PDLIM5: variants seen among roughly 807,000 people sequenced by gnomAD.
PDLIM5 encodes the protein PDZ and LIM domain protein 5.
In PDLIM5, 34 loss-of-function variants were observed where a neutral mutation model predicts 64.2. The observed-to-expected ratio is 0.53, with a 90% CI of 0.40 to 0.71. The LOEUF (loss-of-function observed/expected upper bound fraction) is 0.71, where lower values mean the gene tolerates loss of function less well. Among genes scored for constraint, PDLIM5 ranks in the 30% least tolerant of loss-of-function variants. PDLIM5 has a pLI of 0.00. For synonymous variants in PDLIM5, 253 were observed against 269.1 expected, an observed-to-expected ratio of 0.94 and a Z score of 0.59; for missense variants, 683 against 733.6, an observed-to-expected ratio of 0.93 and a Z score of 0.80.
chr4:94,633,290 A>G (rs1305516262), intron 8 of PDLIM5, among the ~76,000 whole-genome samples: 2 of 152,174 alleles, frequency 1.3e-5, no homozygotes, highest in African/African-American at 4.8e-5. Context: ...TCAAATAATG[A>G]ATTGGTTCCT....
At chr4:94,636,254 T>C (rs1470879984) in intron 8 of PDLIM5, among the ~76,000 whole-genome samples, 2 of 152,166 alleles carry the variant, frequency 1.3e-5, no homozygotes, top group Non-Finnish European at 2.9e-5. Flanking sequence ...AGCTTATGCA[T>C]AGATAATGTG....
chr4:94,463,617 A>C (rs548331326), intron 2 of PDLIM5, among the ~76,000 whole-genome samples: 1 of 152,190 alleles, frequency 6.6e-6, no homozygotes, highest in African/African-American at 2.4e-5. Context: ...GTGGAGGTGG[A>C]AGGGAAGCAG....
At chr4:94,615,509 A>C (rs537087903) in intron 7 of PDLIM5, among the ~76,000 whole-genome samples, 1 of 152,282 alleles carries the variant, frequency 6.6e-6, no homozygotes, top group African/African-American at 2.4e-5. Flanking sequence ...CCTCGTATAT[A>C]GAATCTGGAA....
rs143727257 is a variant in PDLIM5, at chr4:94,658,068, G to A, written c.1585+521G>A. 1.9e-4 allele frequency among the ~76,000 whole-genome samples: 29 copies of A among 152,286 alleles called. No homozygotes were observed. The East Asian group carries it at 5.4e-3, about 28-fold the overall frequency. On this transcript the variant is annotated intron_variant, in intron 11 of 12. Coordinates refer to ENST00000317968, the MANE Select transcript of PDLIM5 (RefSeq NM_006457.5). ...TTTATTATTAGAATTGAGAATGTAA[G>A]CATTACTTAGTAGGAAAAATATTTT...
At chr4:94,506,455 A>G (rs1030962174) in intron 2 of PDLIM5, among the ~76,000 whole-genome samples, 3 of 152,182 alleles carry the variant, frequency 2.0e-5, no homozygotes, top group African/African-American at 4.8e-5. Flanking sequence ...ATGAAGGCTC[A>G]CTTTGCTTCA....
rs544468180 is a variant in PDLIM5 at position 94,493,256 on chromosome 4, G to A, written c.97-30468G>A. On this transcript the variant is annotated intron_variant, in intron 2 of 12. Coordinates refer to ENST00000317968, the MANE Select transcript of PDLIM5 (RefSeq NM_006457.5). ...TTTTAAAACTATATTCTAGATACAAGTCCCTTTTCATGTACATGATTTTCT... is the reference window on the plus strand; with the variant it reads ...TTTTAAAACTATATTCTAGATACAAATCCCTTTTCATGTACATGATTTTCT... Among the ~76,000 whole-genome samples, 7 of 151,750 alleles carry A rather than the reference G, an allele frequency of 4.6e-5. No homozygotes were observed. In the East Asian group the frequency reaches 5.8e-4, roughly 13 times the overall value.
chr4:94,610,217 C>G (rs879404177), intron 7 of PDLIM5: 2 of 1,520,874 alleles, frequency 1.3e-6, no homozygotes, highest in Non-Finnish European at 1.8e-6. Flanking sequence ...CGAAACTTTT[C>G]TACCTTCTCT....
chr4:94,527,711 G>A (rs1730499445), intron 3 of PDLIM5, among the ~76,000 whole-genome samples: 1 of 152,204 alleles, frequency 6.6e-6, no homozygotes, highest in Admixed American at 6.5e-5. Context: ...GGAAACTTGG[G>A]AACAAAATTG....
chr4:94,588,477 C>A (rs1001204247), intron 7 of PDLIM5, among the ~76,000 whole-genome samples: 1 of 152,016 alleles, frequency 6.6e-6, no homozygotes, highest in African/African-American at 2.4e-5. Flanking sequence ...GCAGGAGAAT[C>A]GCTTGAACCC....
intron 2 of PDLIM5, among the ~76,000 whole-genome samples, chr4:94,512,983 A>G (rs991824096): frequency 7.2e-5 from 11 of 152,182 alleles, no homozygotes; most frequent in African/African-American, 2.4e-4. Flanking sequence ...CCATTTATTA[A>G]AGAGACTGTC....
At chr4:94,650,815 C>CA (rs886988600) in intron 9 of PDLIM5, among the ~76,000 whole-genome samples, 4 of 151,660 alleles carry the variant, frequency 2.6e-5, no homozygotes, top group African/African-American at 9.7e-5. Context: ...TTCTTCCCCC[C>CA]ACATGCCCCG....
chr4:94,489,521 G>A (rs1447858503), intron 2 of PDLIM5, among the ~76,000 whole-genome samples: 1 of 151,938 alleles, frequency 6.6e-6, no homozygotes, highest in Non-Finnish European at 1.5e-5. Context: ...TCAGAATATT[G>A]AGTAGTATCT....
At chr4:94,481,018 A>G (rs935813090) in intron 2 of PDLIM5, among the ~76,000 whole-genome samples, 2 of 151,994 alleles carry the variant, frequency 1.3e-5, no homozygotes, top group Non-Finnish European at 2.9e-5. Flanking sequence ...ATTATATAGT[A>G]TTTGCTGTGC....
intron 3 of PDLIM5, among the ~76,000 whole-genome samples, chr4:94,561,905 T>C (rs1370818625): frequency 6.6e-6 from 1 of 152,224 alleles, no homozygotes; most frequent in African/African-American, 2.4e-5. Flanking sequence ...AGCATAATCA[T>C]GGTCAGCATT....
intron 3 of PDLIM5, among the ~76,000 whole-genome samples, chr4:94,524,315 G>A (rs1351668718): frequency 2.8e-5 from 4 of 141,784 alleles, no homozygotes; most frequent in Non-Finnish European, 6.0e-5. Flanking sequence ...GTTGCATTAA[G>A]CTCTGATCGT....
At chr4:94,460,406 C>G (rs1723770996) in intron 2 of PDLIM5, among the ~76,000 whole-genome samples, 1 of 152,028 alleles carries the variant, frequency 6.6e-6, no homozygotes, top group African/African-American at 2.4e-5. Context: ...AGAAATGTTA[C>G]TGGTAGGCAG....
intron 2 of PDLIM5, among the ~76,000 whole-genome samples, chr4:94,473,495 C>T (rs1475488469): frequency 6.6e-6 from 1 of 152,104 alleles, no homozygotes; most frequent in African/African-American, 2.4e-5. Flanking sequence ...CTCCTGACCT[C>T]GTGATCCACC....
intron 3 of PDLIM5, among the ~76,000 whole-genome samples, chr4:94,539,321 A>G (rs776922965): frequency 6.6e-6 from 1 of 152,130 alleles, no homozygotes; most frequent in Non-Finnish European, 1.5e-5. Context: ...GTGTAGAAAA[A>G]CTGTTACATG....
intron 3 of PDLIM5, among the ~76,000 whole-genome samples, chr4:94,547,164 C>T (rs908094242): frequency 6.6e-6 from 1 of 152,120 alleles, no homozygotes; most frequent in African/African-American, 2.4e-5. Context: ...TTTCCTATTG[C>T]TGCTGTAACA....
Sources: gnomAD v4.1 joint callset for allele counts (sites outside exome capture counted in the v4.1 genomes callset) on GRCh38, gnomAD v4.1.1 for gene constraint, MANE v1.5 for transcripts, NCBI Gene and HGNC (gene_info 2026-07-23, HGNC 2026-07-21) for gene names.